The following CCDC15 variants were observed in gnomAD, a reference collection of about 807,000 sequenced individuals.
The protein encoded by CCDC15 is coiled-coil domain containing 15.
Under a neutral mutation model 114.5 loss-of-function variants are expected in CCDC15, and 105 were observed. The observed-to-expected ratio is 0.92, with a 90% confidence interval of 0.78 to 1.08. The LOEUF is 1.08. CCDC15 is among the 50% of genes least tolerant of loss of function. CCDC15 has a pLI of 0.00. For missense variants in CCDC15, 1,105 were observed against 1,093.6 expected (o/e 1.01, Z -0.15); for synonymous variants, 334 against 377.8 (o/e 0.88, Z 1.34).
At chr11:124,970,393 A>G (rs1035036489) in intron 4 of CCDC15, among the ~76,000 whole-genome samples, 17 of 152,234 alleles carry the variant, frequency 1.1e-4, no homozygotes, top group Non-Finnish European at 2.5e-4. Context: ...ACTGGGATTC[A>G]TGGGCTATAA....
At chr11:124,993,045 T>C in intron 10 of CCDC15, 124 bp from the exon 11 acceptor site, 1 of 626,282 alleles carries the variant, frequency 1.6e-6, no homozygotes, top group South Asian at 2.2e-5. Flanking sequence ...CACACAGCTT[T>C]AACTGTGTTC....
chr11:125,026,109 G>A (rs926061921), intron 13 of CCDC15, among the ~76,000 whole-genome samples: 1 of 152,102 alleles, frequency 6.6e-6, no homozygotes, highest in African/African-American at 2.4e-5. Context: ...TCACTAGCTG[G>A]CTTTGAGCTC....
intron 11 of CCDC15, among the ~76,000 whole-genome samples, chr11:124,995,721 G>A (rs948420738): frequency 9.2e-5 from 14 of 152,076 alleles, no homozygotes; most frequent in Non-Finnish European, 1.5e-4. Flanking sequence ...CACACAAGAG[G>A]GGTACTTACT....
At chr11:124,965,991 C>T (rs1174986213) in intron 4 of CCDC15, among the ~76,000 whole-genome samples, 1 of 152,232 alleles carries the variant, frequency 6.6e-6, no homozygotes, top group African/African-American at 2.4e-5. Context: ...TTTGATTGCA[C>T]TGTCATCTGA....
chr11:124,996,093 G>T (rs928970871), intron 11 of CCDC15, among the ~76,000 whole-genome samples: 29 of 151,926 alleles, frequency 1.9e-4, no homozygotes, highest in Admixed American at 2.0e-4. Context: ...GCCTCCCAAA[G>T]GTGCTGGGAT....
chr11:125,020,669 A>G (rs950281374), intron 13 of CCDC15, among the ~76,000 whole-genome samples: 7 of 151,954 alleles, frequency 4.6e-5, no homozygotes, highest in Admixed American at 1.3e-4. Flanking sequence ...TATTCACACC[A>G]TTGCTCTAGG....
At chr11:125,016,471 CTTTTCTGTTTTTAATGTTCT>C (rs1948630098) in intron 13 of CCDC15, among the ~76,000 whole-genome samples, 1 of 151,994 alleles carries the variant, frequency 6.6e-6, no homozygotes, top group African/African-American at 2.4e-5. Context: ...TTTCAAAGAC[CTTTTCTGTTTTTAATGTTCT>C]TTAGAGCTCT....
At chr11:124,989,641 T>A (rs1307663265) in intron 8 of CCDC15, among the ~76,000 whole-genome samples, 33 of 152,228 alleles carry the variant, frequency 2.2e-4, no homozygotes, top group Admixed American at 2.1e-3. Flanking sequence ...TCATCAGTGA[T>A]CTTAGCTAGA....
intron 4 of CCDC15, among the ~76,000 whole-genome samples, chr11:124,971,585 T>A (rs541661636): frequency 6.6e-6 from 1 of 152,314 alleles, no homozygotes; most frequent in East Asian, 1.9e-4. Flanking sequence ...TGCATTTATA[T>A]GTTTATGTTG....
chr11:125,025,055 A>AAT (rs1228442486), intron 13 of CCDC15, among the ~76,000 whole-genome samples: 1 of 123,506 alleles, frequency 8.1e-6, no homozygotes, highest in Non-Finnish European at 1.6e-5. Context: ...AATATATATG[A>AAT]ATATATATAT....
intron 6 of CCDC15, among the ~76,000 whole-genome samples, 198 bp downstream of exon 6, chr11:124,977,798 G>A (rs778846719): frequency 1.3e-5 from 2 of 152,010 alleles, no homozygotes; most frequent in Non-Finnish European, 2.9e-5. Flanking sequence ...TTTGCACAGG[G>A]TTGTGCAACT....
intron 4 of CCDC15, among the ~76,000 whole-genome samples, chr11:124,966,654 A>G (rs1314559920): frequency 1.3e-5 from 2 of 152,116 alleles, no homozygotes; most frequent in East Asian, 3.9e-4. Flanking sequence ...TAAGGTTAAT[A>G]TTGTTATGTG....
At chr11:125,038,703 C>T in intron 14 of CCDC15, 99 bp downstream of exon 14, 1 of 1,257,166 alleles carries the variant, frequency 8.0e-7, no homozygotes, top group Non-Finnish European at 1.1e-6. Context: ...TGTGTCTTTT[C>T]ATACTTTTCC....
Position 125,023,307 on chromosome 11 carries a change from T to C in CCDC15, c.2412-15124T>C, listed in dbSNP as rs539152589. Among the ~76,000 whole-genome samples, 17 of 152,068 alleles carry C rather than the reference T, an allele frequency of 1.1e-4. No homozygotes were observed. The South Asian group carries it at 3.3e-3, about 30-fold the overall frequency. On this transcript the variant is annotated intron_variant, in intron 13 of 15. Coordinates refer to ENST00000344762, the MANE Select transcript of CCDC15 (RefSeq NM_025004.3). ...GTCCAACAAACAACGAAAGAGAAGA[T>C]TGATAAGTTGGACTTCATCAAAATT...
rs188227437 is a variant in CCDC15 at position 124,976,043 on chromosome 11, T to C, written c.630+834T>C. On this transcript the variant is annotated intron_variant, in intron 5 of 15. Coordinates refer to ENST00000344762, the MANE Select transcript of CCDC15 (RefSeq NM_025004.3). ...TGTGTGTACTTAATTTTGGCATTAATGTTTTATAGGCAGCATCTAGTAAAA... is the reference window on the plus strand; with the variant it reads ...TGTGTGTACTTAATTTTGGCATTAACGTTTTATAGGCAGCATCTAGTAAAA... Among the ~76,000 whole-genome samples, 47 of 152,088 alleles carry C rather than the reference T, an allele frequency of 3.1e-4. No homozygotes were observed. The East Asian group carries it at 8.9e-3, about 29-fold the overall frequency.
At chr11:124,990,476 C>T (rs1948248684) in intron 8 of CCDC15, among the ~76,000 whole-genome samples, 1 of 152,098 alleles carries the variant, frequency 6.6e-6, no homozygotes, top group Non-Finnish European at 1.5e-5. Context: ...CGTATGATTG[C>T]CACAAACCTT....
intron 4 of CCDC15, among the ~76,000 whole-genome samples, chr11:124,971,562 T>C (rs1276216036): frequency 1.3e-5 from 2 of 152,206 alleles, no homozygotes; most frequent in African/African-American, 4.8e-5. Context: ...ATATGCAATA[T>C]GAGAACCAAA....
At position 124,987,416 on chromosome 11, in the gene CCDC15, G is replaced by A; in HGVS notation, c.1190G>A (p.Ser397Asn). 1.2e-6 allele frequency: 2 copies of A among 1,613,988 alleles called. No individual in the cohort carries two copies. Among genetic ancestry groups the A allele is most frequent in the South Asian group, 2.2e-5 (2 of 91,082 alleles). Residue 397 changes from serine (S) to asparagine (N), a missense_variant, in exon 8 of 16, where the codon AGT (serine) becomes AAT (asparagine). Coordinates refer to ENST00000344762, the MANE Select transcript of CCDC15 (RefSeq NM_025004.3). The part of the protein sequence containing the change: ...ETQGIMLKAQ[S>N]IELEEGSIVL... ...CAGGGTATTATGCTGAAAGCCCAGAGTATTGAGCTAGAAGAAGGGAGTATT... is the reference window on the plus strand; with the variant it reads ...CAGGGTATTATGCTGAAAGCCCAGAATATTGAGCTAGAAGAAGGGAGTATT...
intron 13 of CCDC15, among the ~76,000 whole-genome samples, chr11:125,024,492 A>G (rs929683064): frequency 5.3e-5 from 8 of 152,056 alleles, no homozygotes; most frequent in African/African-American, 9.7e-5. Context: ...TCTCAGCAGT[A>G]TGTTATAGTT....
Sources: allele counts gnomAD v4.1 joint callset (sites outside exome capture counted in the v4.1 genomes callset), GRCh38; gene constraint gnomAD v4.1.1; transcripts MANE v1.5; gene names NCBI Gene and HGNC (gene_info 2026-07-23, HGNC 2026-07-21).